Variants in DONSON observed in about 807,000 individuals in gnomAD.
The protein encoded by DONSON is protein downstream neighbor of Son.
In DONSON, 43 loss-of-function variants were observed where a neutral mutation model predicts 62.1. The ratio of observed to expected loss-of-function variants is 0.69; its 90% CI spans 0.54 to 0.89. DONSON has a LOEUF of 0.89. Among genes scored for constraint, DONSON ranks in the 40% least tolerant of loss-of-function variants. The probability of loss-of-function intolerance (pLI) is 0.00; values close to 1 mark genes in which losing one functional copy is unlikely to be tolerated. For synonymous variants in DONSON, 266 were observed against 264.6 expected, an observed-to-expected ratio of 1.01 and a Z score of -0.05; for missense variants, 696 against 697.5, an observed-to-expected ratio of 1.00 and a Z score of 0.03.
rs1250107791 is a variant in DONSON at position 33,578,321 on chromosome 21, T to TA, written c.1686dup (p.Asn563Ter). ...TACTTTGGTGTTCAGGATCTCCAATTATAAATGTAGTCTCTCAGCACCACA... is the reference window on the plus strand; with the variant it reads ...TACTTTGGTGTTCAGGATCTCCAATTAATAAATGTAGTCTCTCAGCACCACA... On this transcript the variant is annotated frameshift_variant, in exon 10 of 10. Coordinates refer to ENST00000303071, the MANE Select transcript of DONSON (RefSeq NM_017613.4). LOFTEE classifies it high-confidence loss of function. 1.2e-6 allele frequency: 2 copies of TA among 1,613,502 alleles called. No individual in the cohort carries two copies. The highest frequency in any genetic ancestry group is 1.7e-6 in the Non-Finnish European group (2 of 1,179,742).
In DONSON at chr21:33,584,613, C is replaced by T. The variant is rs766566807; in HGVS notation, c.762G>A (p.Leu254=). The change falls in exon 4 of 10, where the codon CTG becomes CTA. Residue 254 remains leucine (L), a synonymous_variant. Coordinates refer to ENST00000303071, the MANE Select transcript of DONSON (RefSeq NM_017613.4). The stretch of plus-strand genomic sequence containing the variant: ...ACCAGTCACTCATTAAAACATGCTG[C>T]AGGGTTGCATCATTTGACCAAGGAC... ...KTSPWSNDAT[L]QHVLMSDWSV... is the part of the protein sequence containing the mutation. 1.2e-5 allele frequency: 19 copies of T among 1,611,250 alleles called. 1 individual carries two copies. In the African/African-American group the frequency reaches 2.4e-4, roughly 20 times the overall value.
rs1031335838 is a variant in DONSON, at chr21:33,582,357, T to C, written c.965-111A>G. On this transcript the variant is annotated intron_variant, in intron 5 of 9. Transcript: ENST00000303071. ...ATGTTAGTTTTTACAAATGATCTATTAAGGCAGTAGAGTTTTCAAGCTTTC... is the reference window on the plus strand; with the variant it reads ...ATGTTAGTTTTTACAAATGATCTATCAAGGCAGTAGAGTTTTCAAGCTTTC... 5 of 817,466 alleles carry C rather than the reference T, an allele frequency of 6.1e-6. No individual in the cohort carries two copies. In the African/African-American group the frequency reaches 8.7e-5, roughly 14 times the overall value. 50.6% of individuals were successfully genotyped at this position (817,466 alleles called of 1,614,324 possible). A position where few individuals can be genotyped will look rare whatever the true frequency, so the allele number is the denominator to read the frequency against.
At position 33,584,035 on chromosome 21, in the gene DONSON, T is replaced by TATAA. The variant is rs2086548820; in HGVS notation, c.786-370_786-369insTTAT. On this transcript the variant is annotated intron_variant, in intron 4 of 9. Coordinates refer to ENST00000303071, the MANE Select transcript of DONSON (RefSeq NM_017613.4). ...GTGTTTATATATATATATATATATA[T>TATAA]ATATATATATACTTTTTTTTTTTTT... is the stretch of plus-strand genomic sequence containing the variant. Among the ~76,000 whole-genome samples the TATAA allele has an allele frequency of 6.3e-5, 9 of 143,988 alleles. No homozygotes were observed. In the South Asian group the frequency reaches 1.9e-3, roughly 31 times the overall value. 94.5% of individuals were successfully genotyped at this position (143,988 alleles called of 152,430 possible).
Position 33,581,861 on chromosome 21 carries a change from A to G in DONSON, c.1151+90T>C, listed in dbSNP as rs1170277708. ...TAATATGACCTGAAGATAATTTAAG[A>G]TTATAATCATATAAAACTGCCAATG... On this transcript the variant is annotated intron_variant, in intron 7 of 9. Coordinates refer to ENST00000303071, the MANE Select transcript of DONSON (RefSeq NM_017613.4). 3.5e-6 allele frequency: 4 copies of G among 1,149,380 alleles called. No individual in the cohort carries two copies. The Admixed American group carries it at 7.8e-5, about 22-fold the overall frequency. 71.2% of individuals were successfully genotyped at this position (1,149,380 alleles called of 1,614,324 possible). A position where few individuals can be genotyped will look rare whatever the true frequency, so the allele number is the denominator to read the frequency against.
chr21:33,581,336 A>T lies in DONSON; in HGVS notation c.1316T>A (p.Val439Asp), dbSNP rs1397446763. 1.2e-6 allele frequency: 2 copies of T among 1,614,178 alleles called. No homozygotes were observed. The highest frequency in any genetic ancestry group is 3.3e-5 in the Admixed American group (2 of 60,010). ...TTGCATTGTGGCACCTCGGAAAGCA[A>T]CAGGGGACAAGAGGGTTGGAGGAAG... The part of the protein sequence containing the change: ...AGLPPTLLSP[V>D]AFRGATMQML... The change falls in exon 8 of 10, where the codon GTT becomes GAT. Residue 439 changes from valine to aspartate, a missense_variant. Coordinates refer to ENST00000303071, the MANE Select transcript of DONSON (RefSeq NM_017613.4).
chr21:33,586,349 A>G (rs112757200), intron 2 of DONSON, among the ~76,000 whole-genome samples, 168 bp from the exon 3 acceptor site: 339 of 152,320 alleles, frequency 2.2e-3, no homozygotes, highest in Non-Finnish European at 4.3e-3. Flanking sequence ...AAGGAGTCAC[A>G]CTAAACTTTT....
In DONSON at chr21:33,585,520, T is replaced by G. The variant is rs143972083; in HGVS notation, c.606+458A>C. ...GGGCTATTGTGCCCAGCCTCCTAGTTTTGAGTTGATGCTTTAAAATAATCA... is the reference window on the plus strand; with the variant it reads ...GGGCTATTGTGCCCAGCCTCCTAGTGTTGAGTTGATGCTTTAAAATAATCA... On this transcript the variant is annotated intron_variant, in intron 3 of 9. Transcript: ENST00000303071. Among the ~76,000 whole-genome samples, 209 of 151,986 alleles carry G rather than the reference T, an allele frequency of 1.4e-3. 2 individuals are homozygous for G. Among genetic ancestry groups the G allele is most frequent in the African/African-American group, 4.8e-3 (200 of 41,424 alleles).
chr21:33,580,504 AGC>A lies in DONSON; in HGVS notation c.1350+796_1350+797del, dbSNP rs1206049446. Among the ~76,000 whole-genome samples, 18 of 124,036 alleles carry A rather than the reference AGC, an allele frequency of 1.5e-4. No individual in the cohort carries two copies. The East Asian group carries it at 2.5e-3, about 17-fold the overall frequency. The allele number at this position is 124,036 out of a possible 152,430, so 81.4% of individuals were successfully genotyped here. A position where few individuals can be genotyped will look rare whatever the true frequency, so the allele number is the denominator to read the frequency against. On this transcript the variant is annotated intron_variant, in intron 8 of 9. Coordinates refer to ENST00000303071, the MANE Select transcript of DONSON (RefSeq NM_017613.4). Reference sequence around the variant, plus strand: ...AAAAAAAAAAAAAAAAAAAAAAAAAAGCAGGGCATGGCAGTCCTGTGGTCCGA... The same window carrying A: ...AAAAAAAAAAAAAAAAAAAAAAAAAAAGGGCATGGCAGTCCTGTGGTCCGA...
chr21:33,577,978 A>G lies in DONSON; in HGVS notation c.*329T>C. ...TAACAGGTAAATCGTAAAGTAACAT[A>G]TTTTTGCCCTGATGCCATTAGTCAC... On this transcript the variant is annotated 3_prime_UTR_variant, in exon 10 of 10. Transcript: ENST00000303071. The G allele has an allele frequency of 5.6e-6, 1 of 179,258 alleles. No individual in the cohort carries two copies. The highest frequency in any genetic ancestry group is 1.2e-5 in the Non-Finnish European group (1 of 86,234). 11.1% of individuals were successfully genotyped at this position (179,258 alleles called of 1,614,324 possible). A position where few individuals can be genotyped will look rare whatever the true frequency, so the allele number is the denominator to read the frequency against.
In DONSON at chr21:33,578,242, A is replaced by T. The variant is rs1256943516; in HGVS notation, c.*65T>A. 2 of 1,538,336 alleles carry T rather than the reference A, an allele frequency of 1.3e-6. No homozygotes were observed. Among genetic ancestry groups the T allele is most frequent in the Non-Finnish European group, 1.8e-6 (2 of 1,132,158 alleles). On this transcript the variant is annotated 3_prime_UTR_variant, in exon 10 of 10. Transcript: ENST00000303071. ...TTCAGTATATTCCTTCAACTTCAAG[A>T]ATCTTGAATTTCCTTGCTAGAAGGC... is the stretch of plus-strand genomic sequence containing the variant.
At chr21:33,580,972 G>T (rs1256520413) in intron 8 of DONSON, among the ~76,000 whole-genome samples, 1 of 152,138 alleles carries the variant, frequency 6.6e-6, no homozygotes, top group Non-Finnish European at 1.5e-5. Context: ...TACTCAAGAG[G>T]CTGAGGCATG....
intron 9 of DONSON, among the ~76,000 whole-genome samples, chr21:33,578,831 CACTGTTAAA>C (rs2086467456): frequency 6.6e-6 from 1 of 152,166 alleles, no homozygotes; most frequent in Admixed American, 6.5e-5. Flanking sequence ...GTTCTTCAGT[CACTGTTAAA>C]ACTATTTGGA....
In DONSON at chr21:33,578,091, G is replaced by T. The variant is rs1394971209; in HGVS notation, c.*216C>A. On this transcript the variant is annotated 3_prime_UTR_variant, in exon 10 of 10. Transcript: ENST00000303071. ...TGCTCAATATACAATTAGGTTGTAG[G>T]GATATAGATATCTCATTTGAGTTAT... 2 of 458,334 alleles carry T rather than the reference G, an allele frequency of 4.4e-6. No individual in the cohort carries two copies. The highest frequency in any genetic ancestry group is 4.0e-5 in the African/African-American group (2 of 50,504). 28.4% of individuals were successfully genotyped at this position (458,334 alleles called of 1,614,324 possible).
chr21:33,583,093 CG>C, intron 5 of DONSON, among the ~76,000 whole-genome samples: 1 of 149,602 alleles, frequency 6.7e-6, no homozygotes, highest in Non-Finnish European at 1.5e-5. Context: ...CCCAGCTACT[CG>C]GGAGGCTGAG....
intron 1 of DONSON, 75 bp from the exon 2 acceptor site, chr21:33,587,677 T>C (rs935331626): frequency 1.2e-5 from 11 of 955,942 alleles, no homozygotes; most frequent in African/African-American, 5.0e-5. Context: ...GAGCCTCACC[T>C]GGCATACATG....
chr21:33,581,154 A>G (rs560943355), intron 8 of DONSON, 148 bp downstream of exon 8: 2 of 639,074 alleles, frequency 3.1e-6, no homozygotes, highest in South Asian at 2.2e-5. Context: ...ACTGTCTTAT[A>G]TAATTTTTGT....
At chr21:33,582,428 G>GGTTC (rs778424633) in intron 5 of DONSON, among the ~76,000 whole-genome samples, 182 bp from the exon 6 acceptor site, 2 of 152,234 alleles carry the variant, frequency 1.3e-5, no homozygotes, top group African/African-American at 4.8e-5. Context: ...CCTTGAAAGA[G>GGTTC]GTTCGGGAAA....
At position 33,587,516 on chromosome 21, in the gene DONSON, T is replaced by C; in HGVS notation, c.402+6A>G. 1 of 1,575,022 alleles carries C rather than the reference T, an allele frequency of 6.3e-7. No homozygotes were observed. Among genetic ancestry groups the C allele is most frequent in the Non-Finnish European group, 8.6e-7 (1 of 1,164,840 alleles). ...ACACATTCTAATGATATTTAAAAAG[T>C]ATTACCTGAGGTAATTCAGTAACAG... On this transcript the variant is annotated splice_donor_region_variant and intron_variant, in intron 2 of 9. Coordinates refer to ENST00000303071, the MANE Select transcript of DONSON (RefSeq NM_017613.4).
At chr21:33,587,045 CT>C (rs995575156) in intron 2 of DONSON, among the ~76,000 whole-genome samples, 1 of 152,218 alleles carries the variant, frequency 6.6e-6, no homozygotes, top group African/African-American at 2.4e-5. Context: ...TTGGAGAACT[CT>C]TCTAGCCTGT....
Sources: gnomAD v4.1 joint callset for allele counts (sites outside exome capture counted in the v4.1 genomes callset) on GRCh38, gnomAD v4.1.1 for gene constraint, MANE v1.5 for transcripts, NCBI Gene and HGNC (gene_info 2026-07-23, HGNC 2026-07-21) for gene names.